Variants in ADGRG2 observed in about 807,000 individuals in gnomAD.
ADGRG2 encodes the protein adhesion G protein-coupled receptor G2, also known as G protein-coupled receptor 64.
ADGRG2 carries 26 observed loss-of-function variants against 74.1 expected under a neutral mutation model. The observed-to-expected ratio is 0.35, with a 90% CI of 0.26 to 0.49. The LOEUF (loss-of-function observed/expected upper bound fraction) is 0.49, where lower values mean the gene tolerates loss of function less well. Among genes scored for constraint, ADGRG2 ranks in the 20% least tolerant of loss-of-function variants. The pLI is 0.99. For synonymous variants in ADGRG2, 296 were observed against 295.2 expected (o/e 1.00, Z -0.03); for missense variants, 619 against 763.1 (o/e 0.81, Z 2.22).
At chrX:18,991,367 T>C (rs2059921342) in intron 28 of ADGRG2, among the ~76,000 whole-genome samples, 1 of 110,955 alleles carries the variant, frequency 9.0e-6, no homozygotes. Context: ...TCTGGTTGGA[T>C]ATGTTTTGAC....
At chrX:19,099,355 T>G (rs778672409) in intron 1 of ADGRG2, among the ~76,000 whole-genome samples, 1 of 112,267 alleles carries the variant, frequency 8.9e-6, no homozygotes, top group Admixed American at 9.5e-5. Flanking sequence ...GGTTAGGGCA[T>G]GCACATAATT....
In ADGRG2 at chrX:19,090,972, T is replaced by C. The variant is rs1199102123; in HGVS notation, c.-46-8226A>G. Among the ~76,000 whole-genome samples the C allele has an allele frequency of 2.7e-5, 3 of 111,339 alleles. No homozygotes were observed. In the East Asian group the frequency reaches 8.5e-4, roughly 31 times the overall value. On this transcript the variant is annotated intron_variant, in intron 1 of 28. Transcript: ENST00000379869. ...TCTGACCTAAGGGACTGGGGAAGGC[T>C]TCCCTGTGGAAGTGATGCTGAAACT...
At chrX:19,106,341 T>C (rs1201693344) in intron 1 of ADGRG2, among the ~76,000 whole-genome samples, 2 of 110,098 alleles carry the variant, frequency 1.8e-5, no homozygotes, top group Admixed American at 9.8e-5. Flanking sequence ...GTGTGTACTA[T>C]AATGGTGGGG....
intron 15 of ADGRG2, among the ~76,000 whole-genome samples, chrX:19,018,323 A>T (rs2060511950): frequency 9.3e-6 from 1 of 107,836 alleles, no homozygotes; most frequent in South Asian, 4.1e-4. Flanking sequence ...TAGAAATGAG[A>T]TCTCACCCAG....
At chrX:19,055,298 G>GCGTGCACGCA (rs1292166035) in intron 3 of ADGRG2, among the ~76,000 whole-genome samples, 3 of 111,787 alleles carry the variant, frequency 2.7e-5, no homozygotes, top group African/African-American at 9.8e-5. Flanking sequence ...GCGCGCACGC[G>GCGTGCACGCA]CGTGCACGCA....
chrX:19,006,192 GT>G (rs746639197), intron 21 of ADGRG2, 27 bp downstream of exon 21: 1 of 1,154,045 alleles, frequency 8.7e-7, no homozygotes, highest in Admixed American at 2.2e-5. Flanking sequence ...CCACTCAAGA[GT>G]TTGAAAAGGT....
intron 7 of ADGRG2, 57 bp downstream of exon 7, chrX:19,035,885 A>G: frequency 1.6e-6 from 1 of 631,111 alleles, no homozygotes; most frequent in Non-Finnish European, 2.5e-6. Flanking sequence ...CTGCACAAGC[A>G]AGACACTCAA....
At chrX:19,109,269 G>C (rs2062371264) in intron 1 of ADGRG2, among the ~76,000 whole-genome samples, 1 of 111,046 alleles carries the variant, frequency 9.0e-6, no homozygotes, top group African/African-American at 3.3e-5. Flanking sequence ...AAATCCTACT[G>C]GGTCAAGGGT....
intron 1 of ADGRG2, among the ~76,000 whole-genome samples, chrX:19,117,118 C>T (rs757876993): frequency 1.1e-4 from 12 of 109,082 alleles, no homozygotes; most frequent in African/African-American, 3.3e-4. Flanking sequence ...GGTGAAACCT[C>T]GTCTCTACTA....
At position 19,008,094 on chromosome X, in the gene ADGRG2, G is replaced by A; in HGVS notation, c.1452C>T (p.Asn484=). 8.4e-7 allele frequency: 1 copy of A among 1,187,801 alleles called. No individual in the cohort carries two copies. The highest frequency in any genetic ancestry group is 1.9e-5 in the South Asian group (1 of 53,412). ...QVSLETQAPE[N]SIGTITLPSS... is the part of the protein sequence containing the mutation. ...AAGGAAGAGTAATTGTGCCAATACT[G>A]TTCTCAGGAGCTTGGGTTTCCAGAG... The change falls in exon 19 of 29, where the codon AAC becomes AAT. Residue 484 remains asparagine (N), a synonymous_variant. Transcript: ENST00000379869.
Position 18,999,069 on chromosome X carries a change from G to A in ADGRG2, c.2541C>T (p.Gly847=). 4.1e-6 allele frequency: 5 copies of A among 1,208,864 alleles called. No homozygotes were observed. The highest frequency in any genetic ancestry group is 5.6e-6 in the Non-Finnish European group (5 of 892,728). The change falls in exon 26 of 29, where the codon GGC becomes GGT. Residue 847 remains glycine (G), a synonymous_variant. Coordinates refer to ENST00000379869, the MANE Select transcript of ADGRG2 (RefSeq NM_001079858.3). ...GLTFLLGITW[G]FAFFAWGPVN... is the part of the protein sequence containing the mutation. ...CTGGTCCCCAGGCAAAGAAGGCAAA[G>A]CCCCAAGTTATTCCCAGTAAAAATG...
At chrX:19,028,747 G>A (rs1371208117) in intron 9 of ADGRG2, among the ~76,000 whole-genome samples, 1 of 111,775 alleles carries the variant, frequency 8.9e-6, no homozygotes, top group African/African-American at 3.2e-5. Context: ...TGCGCCGCAT[G>A]TGGCCCATGG....
At chrX:19,003,958 C>T (rs1193374496) in intron 23 of ADGRG2, among the ~76,000 whole-genome samples, 1 of 111,969 alleles carries the variant, frequency 8.9e-6, no homozygotes, top group Non-Finnish European at 1.9e-5. Context: ...AAATTAGATC[C>T]GATGAAATCA....
At chrX:19,108,032 A>G (rs1030139003) in intron 1 of ADGRG2, among the ~76,000 whole-genome samples, 7 of 105,786 alleles carry the variant, frequency 6.6e-5, no homozygotes, top group Non-Finnish European at 1.2e-4. Flanking sequence ...GAGGTGACAC[A>G]AGGTTGCAGT....
chrX:19,106,030 A>G (rs2147054551), intron 1 of ADGRG2, among the ~76,000 whole-genome samples: 1 of 110,328 alleles, frequency 9.1e-6, no homozygotes, highest in East Asian at 2.8e-4. Context: ...GGAAACACAG[A>G]TAGAATGGAC....
chrX:19,055,299 C>T (rs1214514251), intron 3 of ADGRG2, among the ~76,000 whole-genome samples: 4 of 111,542 alleles, frequency 3.6e-5, no homozygotes, highest in Admixed American at 9.5e-5. Flanking sequence ...CGCGCACGCG[C>T]GTGCACGCAC....
intron 1 of ADGRG2, among the ~76,000 whole-genome samples, chrX:19,121,020 G>A (rs1253333941): frequency 8.9e-6 from 1 of 111,755 alleles, no homozygotes; most frequent in Non-Finnish European, 1.9e-5. Context: ...AGGCTTTATC[G>A]AGGTCCTCCC....
At chrX:19,035,231 C>A (rs1337178205) in intron 7 of ADGRG2, 2 of 112,379 alleles carry the variant, frequency 1.8e-5, no homozygotes, top group African/African-American at 6.4e-5. Context: ...GCAGTAGTAT[C>A]AAGAGTCTTA....
intron 28 of ADGRG2, among the ~76,000 whole-genome samples, chrX:18,992,719 CA>C (rs1449634037): frequency 1.8e-5 from 2 of 112,383 alleles, no homozygotes; most frequent in Non-Finnish European, 3.8e-5. Flanking sequence ...GCCATTTTGG[CA>C]GCCTTAAAAT....
Sources: allele counts gnomAD v4.1 joint callset (sites outside exome capture counted in the v4.1 genomes callset), GRCh38; gene constraint gnomAD v4.1.1; transcripts MANE v1.5; gene names NCBI Gene and HGNC (gene_info 2026-07-23, HGNC 2026-07-21).